The following LRRTM4 variants were observed in gnomAD, a reference collection of about 807,000 sequenced individuals.
LRRTM4 encodes leucine rich repeat transmembrane neuronal 4, also known as leucine-rich repeat transmembrane neuronal protein 4.
Under a neutral mutation model 47.6 loss-of-function variants are expected in LRRTM4, and 25 were observed. The ratio of observed to expected loss-of-function variants is 0.53; its 90% CI spans 0.38 to 0.73. LRRTM4 has a LOEUF of 0.73. LRRTM4 is among the 30% of genes least tolerant of loss of function. The pLI is 0.00. For missense variants in LRRTM4, 638 were observed against 713.4 expected (o/e 0.89, Z 1.20); for synonymous variants, 311 against 269.5 (o/e 1.15, Z -1.51).
intron 3 of LRRTM4, among the ~76,000 whole-genome samples, chr2:77,000,299 A>T (rs761514351): frequency 7.1e-6 from 1 of 140,086 alleles, no homozygotes; most frequent in Non-Finnish European, 1.6e-5. Flanking sequence ...CTCAGCCTTA[A>T]GGGATTTCTA....
intron 3 of LRRTM4, among the ~76,000 whole-genome samples, chr2:77,465,169 T>C (rs1266850664): frequency 6.6e-6 from 1 of 152,236 alleles, no homozygotes; most frequent in Non-Finnish European, 1.5e-5. Context: ...CTTCACGAGC[T>C]TTAGGATTGA....
At chr2:77,463,182 T>C (rs930919032) in intron 3 of LRRTM4, among the ~76,000 whole-genome samples, 4 of 152,038 alleles carry the variant, frequency 2.6e-5, no homozygotes, top group African/African-American at 9.7e-5. Flanking sequence ...GCTACAAACC[T>C]GTACAGTATG....
intron 3 of LRRTM4, among the ~76,000 whole-genome samples, chr2:77,283,021 T>A (rs1676549055): frequency 6.6e-6 from 1 of 151,750 alleles, no homozygotes; most frequent in Non-Finnish European, 1.5e-5. Context: ...CCAAAGAAAC[T>A]CTCAACAGAG....
chr2:77,391,473 A>C (rs534529291), intron 3 of LRRTM4, among the ~76,000 whole-genome samples: 6 of 152,156 alleles, frequency 3.9e-5, no homozygotes, highest in South Asian at 4.1e-4. Context: ...TTCTCTGTTC[A>C]TGTTATTCAG....
At chr2:77,433,015 A>C (rs527819250) in intron 3 of LRRTM4, among the ~76,000 whole-genome samples, 47 of 152,320 alleles carry the variant, frequency 3.1e-4, no homozygotes, top group African/African-American at 1.1e-3. Flanking sequence ...CTGAGTGAGC[A>C]TTGTGTCTTT....
intron 3 of LRRTM4, among the ~76,000 whole-genome samples, chr2:76,956,430 C>A (rs1427969349): frequency 2.0e-5 from 3 of 151,442 alleles, no homozygotes; most frequent in Non-Finnish European, 4.4e-5. Flanking sequence ...TAAAGCACAA[C>A]AGACCAAAAC....
intron 3 of LRRTM4, among the ~76,000 whole-genome samples, chr2:77,498,729 C>A (rs1678457219): frequency 6.6e-6 from 1 of 151,732 alleles, no homozygotes; most frequent in Non-Finnish European, 1.5e-5. Flanking sequence ...GCCTATAGTA[C>A]TACTATTGTG....
chr2:77,070,722 C>T (rs1680123987), intron 3 of LRRTM4, among the ~76,000 whole-genome samples: 1 of 152,052 alleles, frequency 6.6e-6, no homozygotes, highest in Non-Finnish European at 1.5e-5. Flanking sequence ...CTTCTGCCTC[C>T]CAGGTTCAAG....
At chr2:76,776,602 GTTGT>G (rs1400382225) in intron 3 of LRRTM4, among the ~76,000 whole-genome samples, 2 of 152,068 alleles carry the variant, frequency 1.3e-5, no homozygotes, top group Admixed American at 6.5e-5. Flanking sequence ...TTTTGATAGG[GTTGT>G]TTGTTTTTTT....
intron 3 of LRRTM4, among the ~76,000 whole-genome samples, chr2:76,970,239 C>A (rs2103937843): frequency 6.6e-6 from 1 of 152,070 alleles, no homozygotes; most frequent in East Asian, 1.9e-4. Context: ...TTTAAAATCT[C>A]TAAGAGCCCA....
chr2:77,037,693 C>T (rs746896300), intron 3 of LRRTM4, among the ~76,000 whole-genome samples: 1 of 151,622 alleles, frequency 6.6e-6, no homozygotes, highest in Non-Finnish European at 1.5e-5. Context: ...ATTTGGATAG[C>T]TCTATATACT....
intron 3 of LRRTM4, among the ~76,000 whole-genome samples, chr2:77,045,143 T>G (rs1215215138): frequency 6.6e-6 from 1 of 152,034 alleles, no homozygotes; most frequent in East Asian, 1.9e-4. Context: ...ACAAATCTAG[T>G]AACTCTACAT....
intron 3 of LRRTM4, among the ~76,000 whole-genome samples, chr2:76,961,089 T>G (rs1675842131): frequency 6.7e-6 from 1 of 149,056 alleles, no homozygotes; most frequent in South Asian, 2.1e-4. Context: ...ATTATCTACT[T>G]TCATTTTTAT....
intron 3 of LRRTM4, among the ~76,000 whole-genome samples, chr2:77,421,000 C>T (rs1674857266): frequency 6.6e-6 from 1 of 150,528 alleles, no homozygotes; most frequent in South Asian, 2.1e-4. Context: ...GGGCCACAGG[C>T]CTGGGCAGAA....
At chr2:77,342,721 G>T (rs751598109) in intron 3 of LRRTM4, among the ~76,000 whole-genome samples, 1 of 151,814 alleles carries the variant, frequency 6.6e-6, no homozygotes, top group African/African-American at 2.4e-5. Context: ...GGTGTAGGTT[G>T]TTTTGTTTGT....
chr2:77,388,194 G>A (rs1450369554), intron 3 of LRRTM4, among the ~76,000 whole-genome samples: 7 of 151,782 alleles, frequency 4.6e-5, no homozygotes, highest in South Asian at 2.1e-4. Flanking sequence ...TCCTGAAAGC[G>A]AACAGTTATT....
intron 3 of LRRTM4, among the ~76,000 whole-genome samples, chr2:77,077,753 G>T (rs865778009): frequency 2.6e-5 from 4 of 152,212 alleles, no homozygotes; most frequent in Middle Eastern, 3.4e-3. Flanking sequence ...CCCCAAAAAT[G>T]CTTCTCAGTC....
intron 3 of LRRTM4, among the ~76,000 whole-genome samples, chr2:77,163,684 C>T (rs1490155131): frequency 1.3e-5 from 2 of 152,082 alleles, no homozygotes; most frequent in Non-Finnish European, 2.9e-5. Flanking sequence ...AATTTTCAAC[C>T]CAGAATTTCA....
chr2:77,473,844 T>C (rs971350238), intron 3 of LRRTM4, among the ~76,000 whole-genome samples: 1 of 152,152 alleles, frequency 6.6e-6, no homozygotes, highest in Non-Finnish European at 1.5e-5. Flanking sequence ...TTCTCCATTT[T>C]CTTTGGCAGG....
Sources: allele counts gnomAD v4.1 joint callset (sites outside exome capture counted in the v4.1 genomes callset), GRCh38; gene constraint gnomAD v4.1.1; transcripts MANE v1.5; gene names NCBI Gene and HGNC (gene_info 2026-07-23, HGNC 2026-07-21).